The following SLC49A4 variants were observed in gnomAD, a reference collection of about 807,000 sequenced individuals.
SLC49A4 encodes solute carrier family 49 member 4.
A neutral mutation model predicts 50.6 loss-of-function variants in SLC49A4; 36 were observed. The ratio of observed to expected loss-of-function variants is 0.71; its 90% CI spans 0.55 to 0.94. The LOEUF (loss-of-function observed/expected upper bound fraction) is 0.94. Ranked by LOEUF, SLC49A4 falls within the 40% of genes least tolerant of loss-of-function variation. The pLI is 0.00. For missense variants in SLC49A4, 503 were observed against 605.7 expected, an observed-to-expected ratio of 0.83 and a Z score of 1.78; for synonymous variants, 248 against 241.2, an observed-to-expected ratio of 1.03 and a Z score of -0.26.
rs528073517 is a variant in SLC49A4, at chr3:122,871,234, C to G, written c.1139-1181C>G. Among the ~76,000 whole-genome samples the G allele has an allele frequency of 3.3e-4, 50 of 152,170 alleles. No individual in the cohort carries two copies. The South Asian group carries it at 0.01, about 31-fold the overall frequency. On this transcript the variant is annotated intron_variant, in intron 7 of 8. Transcript: ENST00000261038. ...CAACTATTTGTATTATCAGAATATA[C>G]TAAATATTTTATAATCCCCGAAGAC... is the stretch of plus-strand genomic sequence containing the variant.
intron 2 of SLC49A4, among the ~76,000 whole-genome samples, chr3:122,821,103 G>A (rs144422230): frequency 1.3e-4 from 20 of 152,290 alleles, no homozygotes; most frequent in African/African-American, 3.6e-4. Flanking sequence ...CTTGCCTGCC[G>A]CCATGTAAGG....
rs1042049975 is a variant in SLC49A4 at position 122,803,827 on chromosome 3, TGAAAG to T, written c.344-3026_344-3022del. ...CAGCAAAAGGAGTTATCACATCTGTTGAAAGGAAGCATTCTGAATGTTGGATGCCA... is the reference window on the plus strand; with the variant it reads ...CAGCAAAAGGAGTTATCACATCTGTTGAAGCATTCTGAATGTTGGATGCCA... On this transcript the variant is annotated intron_variant, in intron 1 of 8. Coordinates refer to ENST00000261038, the MANE Select transcript of SLC49A4 (RefSeq NM_032839.3). 4.0e-4 allele frequency among the ~76,000 whole-genome samples: 61 copies of T among 152,218 alleles called. 1 individual carries two copies. The highest frequency in any genetic ancestry group is 1.4e-3 in the African/African-American group (58 of 41,456).
At chr3:122,851,110 C>T (rs1391808906) in intron 5 of SLC49A4, among the ~76,000 whole-genome samples, 1 of 152,052 alleles carries the variant, frequency 6.6e-6, no homozygotes, top group Non-Finnish European at 1.5e-5. Context: ...TTCATTTAAC[C>T]CTCTCCCATC....
Position 122,795,431 on chromosome 3 carries a change from G to A in SLC49A4, c.239G>A (p.Arg80His). Residue 80 changes from arginine to histidine, a missense_variant, in exon 1 of 9, where the codon CGC becomes CAC. Coordinates refer to ENST00000261038, the MANE Select transcript of SLC49A4 (RefSeq NM_032839.3). ...NTWGPIQNSA[R>H]QAYGFSSWDI... ...TGGGGTCCCATCCAGAACTCGGCGC[G>A]CCAGGCCTACGGCTTCTCCAGCTGG... is the stretch of plus-strand genomic sequence containing the variant. 6.2e-7 allele frequency: 1 copy of A among 1,607,590 alleles called. No homozygotes were observed.
intron 3 of SLC49A4, 127 bp from the exon 4 acceptor site, chr3:122,833,190 A>C: frequency 1.1e-6 from 1 of 881,992 alleles, no homozygotes; most frequent in Non-Finnish European, 1.7e-6. Context: ...GTAGTGAGCC[A>C]TGTTCATGCC....
intron 7 of SLC49A4, 70 bp from the exon 8 acceptor site, chr3:122,872,345 C>T (rs117333137): frequency 8.4e-6 from 11 of 1,310,542 alleles, no homozygotes; most frequent in Admixed American, 6.6e-5. Flanking sequence ...AAAGAGAACA[C>T]CCCGAAGATC....
intron 5 of SLC49A4, among the ~76,000 whole-genome samples, chr3:122,851,841 G>T (rs983178373): frequency 1.5e-4 from 23 of 150,506 alleles, no homozygotes; most frequent in African/African-American, 4.6e-4. Flanking sequence ...ACTTTTTTTT[G>T]TTATGACATA....
At chr3:122,820,772 G>C (rs1312676080) in intron 2 of SLC49A4, among the ~76,000 whole-genome samples, 1 of 152,228 alleles carries the variant, frequency 6.6e-6, no homozygotes, top group Non-Finnish European at 1.5e-5. Flanking sequence ...GCTGAGCCTG[G>C]CTGGGTCCTC....
At chr3:122,795,647 A>G in intron 1 of SLC49A4, 112 bp downstream of exon 1, 3 of 1,446,422 alleles carry the variant, frequency 2.1e-6, no homozygotes, top group Non-Finnish European at 2.7e-6. Flanking sequence ...GGGTTGTGTG[A>G]GGTGATAGAG....
intron 2 of SLC49A4, among the ~76,000 whole-genome samples, chr3:122,822,891 G>T (rs145656575): frequency 1.8e-4 from 28 of 152,224 alleles, no homozygotes; most frequent in Admixed American, 1.0e-3. Flanking sequence ...AGTTATGGGT[G>T]CCCTCCAGTA....
At position 122,880,686 on chromosome 3, in the gene SLC49A4, A is replaced by G. The variant is rs557221279; in HGVS notation, c.*1308A>G. 5 of 152,326 alleles carry G rather than the reference A, an allele frequency of 3.3e-5. No individual in the cohort carries two copies. The highest frequency in any genetic ancestry group is 1.2e-4 in the African/African-American group (5 of 41,542). 9.4% of individuals were successfully genotyped at this position (152,326 alleles called of 1,614,324 possible). On this transcript the variant is annotated 3_prime_UTR_variant, in exon 9 of 9. Transcript: ENST00000261038. ...ATTGAACCTTCATTGTCAGCTAAGTATATATACTTTTGTGTTTTCCTGGAC... is the reference window on the plus strand; with the variant it reads ...ATTGAACCTTCATTGTCAGCTAAGTGTATATACTTTTGTGTTTTCCTGGAC...
intron 2 of SLC49A4, among the ~76,000 whole-genome samples, chr3:122,818,945 C>T (rs908128487): frequency 6.7e-6 from 1 of 149,746 alleles, no homozygotes; most frequent in African/African-American, 2.5e-5. Flanking sequence ...AGATTCTGTC[C>T]CCCCCAAAAA....
At position 122,847,875 on chromosome 3, in the gene SLC49A4, T is replaced by C. The variant is rs116441710; in HGVS notation, c.942+2004T>C. ...TTTGCTTGCTCCAAGTTCATAAATA[T>C]GTTATCTTGTACAACTGTGTCATCC... is the stretch of plus-strand genomic sequence containing the variant. On this transcript the variant is annotated intron_variant, in intron 5 of 8. Transcript: ENST00000261038. Among the ~76,000 whole-genome samples, 1,233 of 152,318 alleles carry C rather than the reference T, an allele frequency of 8.1e-3. 9 individuals are homozygous for C. Among genetic ancestry groups the C allele is most frequent in the African/African-American group, 0.026 (1,081 of 41,568 alleles).
At chr3:122,858,209 C>T (rs956002013) in intron 6 of SLC49A4, among the ~76,000 whole-genome samples, 4 of 152,196 alleles carry the variant, frequency 2.6e-5, no homozygotes, top group Admixed American at 6.5e-5. Flanking sequence ...TCAGCCTATT[C>T]GAAAGGACTG....
intron 2 of SLC49A4, among the ~76,000 whole-genome samples, chr3:122,813,453 C>G (rs944405053): frequency 1.3e-5 from 2 of 151,988 alleles, no homozygotes; most frequent in Admixed American, 6.6e-5. Flanking sequence ...CAGACTGATA[C>G]CCATGTAGCC....
At position 122,856,201 on chromosome 3, in the gene SLC49A4, C is replaced by T. The variant is rs1348830867; in HGVS notation, c.943-106C>T. The T allele has an allele frequency of 3.2e-6, 3 of 943,758 alleles. No homozygotes were observed. The African/African-American group carries it at 4.9e-5, about 16-fold the overall frequency. 58.5% of individuals were successfully genotyped at this position (943,758 alleles called of 1,614,324 possible). On this transcript the variant is annotated intron_variant, in intron 5 of 8. Transcript: ENST00000261038. Reference sequence around the variant, plus strand: ...TAGTTACACATGAATTCTTTTATTTCATCCATTTAGCTACTAACATATTGA... The same window carrying T: ...TAGTTACACATGAATTCTTTTATTTTATCCATTTAGCTACTAACATATTGA...
At chr3:122,826,211 A>G (rs1379008353) in intron 2 of SLC49A4, among the ~76,000 whole-genome samples, 1 of 152,162 alleles carries the variant, frequency 6.6e-6, no homozygotes, top group Non-Finnish European at 1.5e-5. Flanking sequence ...TACCTTTTCT[A>G]TTAGAAGATA....
intron 4 of SLC49A4, among the ~76,000 whole-genome samples, chr3:122,838,320 C>T (rs1263612968): frequency 3.9e-5 from 6 of 152,004 alleles, no homozygotes; most frequent in East Asian, 3.9e-4. Context: ...TATCCAACAA[C>T]GATAGACTGG....
At chr3:122,830,346 C>G (rs756541980) in intron 3 of SLC49A4, among the ~76,000 whole-genome samples, 52 of 152,054 alleles carry the variant, frequency 3.4e-4, no homozygotes, top group Non-Finnish European at 6.6e-4. Flanking sequence ...TGCAAAGGAC[C>G]AGCAATATCC....
Sources: allele counts gnomAD v4.1 joint callset (sites outside exome capture counted in the v4.1 genomes callset), GRCh38; gene constraint gnomAD v4.1.1; transcripts MANE v1.5; gene names NCBI Gene and HGNC (gene_info 2026-07-23, HGNC 2026-07-21).